The following CRIM1 variants were observed in gnomAD, a reference collection of about 807,000 sequenced individuals.
The protein encoded by CRIM1 is cysteine-rich motor neuron 1 protein.
Under a neutral mutation model 116.4 loss-of-function variants are expected in CRIM1, and 32 were observed. The ratio of observed to expected loss-of-function variants is 0.27; its 90% CI spans 0.21 to 0.37. CRIM1 has a LOEUF of 0.37. CRIM1 is among the 10% of genes least tolerant of loss of function. The pLI, the probability that CRIM1 is intolerant of heterozygous loss-of-function variation, is 1.00. For synonymous variants in CRIM1, 590 were observed against 509.2 expected, an observed-to-expected ratio of 1.16 and a Z score of -2.13; for missense variants, 1,331 against 1,354.8, an observed-to-expected ratio of 0.98 and a Z score of 0.28.
chr2:36,376,167 C>T (rs987738626), intron 1 of CRIM1, among the ~76,000 whole-genome samples: 7 of 152,200 alleles, frequency 4.6e-5, no homozygotes, highest in Non-Finnish European at 1.0e-4. Context: ...AGGTGGGAAT[C>T]AATAGATTGT....
chr2:36,530,685 C>T (rs1254314045), intron 13 of CRIM1, among the ~76,000 whole-genome samples: 1 of 152,120 alleles, frequency 6.6e-6, no homozygotes. Context: ...CCTTTTCTAC[C>T]GCTCCCCTTT....
chr2:36,370,199 CT>C (rs35408019), intron 1 of CRIM1, among the ~76,000 whole-genome samples: 4,347 of 127,370 alleles, frequency 0.034, 57 homozygotes, highest in African/African-American at 0.049. Context: ...GGGACAAAAG[CT>C]TTTTTTTTTT....
At chr2:36,362,346 T>C (rs1028461994) in intron 1 of CRIM1, among the ~76,000 whole-genome samples, 29 of 152,160 alleles carry the variant, frequency 1.9e-4, no homozygotes, top group African/African-American at 6.8e-4. Context: ...GGTTTAAAAG[T>C]GTGAGTAGTA....
chr2:36,374,014 C>T (rs573860332), intron 1 of CRIM1, among the ~76,000 whole-genome samples: 36 of 152,304 alleles, frequency 2.4e-4, no homozygotes, highest in African/African-American at 7.0e-4. Context: ...AAGCCGTGGG[C>T]GTCTTTTCCT....
rs75293883 is a variant in CRIM1, at chr2:36,522,956, T to G, written c.2428+643T>G. Among the ~76,000 whole-genome samples, 3 of 148,564 alleles carry G rather than the reference T, an allele frequency of 2.0e-5. No homozygotes were observed. In the Admixed American group the frequency reaches 2.0e-4, roughly 10 times the overall value. On this transcript the variant is annotated intron_variant, in intron 13 of 16. Transcript: ENST00000280527. ...TTCTCCAGCCTATTTTTTACAGTGG[T>G]TTTTTTTTTCTTTTTTTAGACAGAT... is the stretch of plus-strand genomic sequence containing the variant.
chr2:36,489,507 G>A (rs1290589444), intron 7 of CRIM1, among the ~76,000 whole-genome samples: 1 of 152,112 alleles, frequency 6.6e-6, no homozygotes, highest in Non-Finnish European at 1.5e-5. Flanking sequence ...TCCACAGGGG[G>A]TGTGTCCCAT....
intron 13 of CRIM1, among the ~76,000 whole-genome samples, chr2:36,535,985 G>A (rs1484393254): frequency 6.6e-6 from 1 of 152,150 alleles, no homozygotes; most frequent in Admixed American, 6.5e-5. Context: ...TTGGATTTTG[G>A]TATCCATGGG....
chr2:36,431,231 C>G (rs1179220907), intron 2 of CRIM1, among the ~76,000 whole-genome samples: 2 of 151,978 alleles, frequency 1.3e-5, no homozygotes, highest in Non-Finnish European at 2.9e-5. Flanking sequence ...TGTGAGTACT[C>G]TGTGTGTGTG....
At chr2:36,480,968 C>A (rs1679373737) in intron 7 of CRIM1, among the ~76,000 whole-genome samples, 1 of 152,116 alleles carries the variant, frequency 6.6e-6, no homozygotes, top group Non-Finnish European at 1.5e-5. Context: ...CTTACTGAAG[C>A]AGATGAAGAT....
chr2:36,545,625 G>C (rs1473409940), intron 15 of CRIM1, among the ~76,000 whole-genome samples: 1 of 152,006 alleles, frequency 6.6e-6, no homozygotes, highest in Non-Finnish European at 1.5e-5. Context: ...TTCCGTTTTT[G>C]GCTTTGGCTG....
chr2:36,365,619 A>G (rs1478710754), intron 1 of CRIM1, among the ~76,000 whole-genome samples: 1 of 152,122 alleles, frequency 6.6e-6, no homozygotes. Context: ...AGTCTTTGTG[A>G]TATAGTGCGG....
At chr2:36,499,922 A>G (rs1680869079) in intron 8 of CRIM1, among the ~76,000 whole-genome samples, 1 of 152,108 alleles carries the variant, frequency 6.6e-6, no homozygotes, top group South Asian at 2.1e-4. Context: ...AAACATCCTC[A>G]TTCTCCTTGA....
At chr2:36,489,792 C>T (rs1376163673) in intron 7 of CRIM1, among the ~76,000 whole-genome samples, 1 of 151,748 alleles carries the variant, frequency 6.6e-6, no homozygotes, top group Admixed American at 6.6e-5. Context: ...TCTAGCAAGG[C>T]CCCCATCATG....
chr2:36,494,563 A>G (rs1225161709), intron 7 of CRIM1, among the ~76,000 whole-genome samples: 1 of 152,188 alleles, frequency 6.6e-6, no homozygotes, highest in African/African-American at 2.4e-5. Flanking sequence ...GGGTTCTTTA[A>G]AAATAGCTCT....
At chr2:36,361,179 C>T (rs1460828557) in intron 1 of CRIM1, among the ~76,000 whole-genome samples, 1 of 152,120 alleles carries the variant, frequency 6.6e-6, no homozygotes, top group Non-Finnish European at 1.5e-5. Flanking sequence ...AAACACTTGG[C>T]AAAGGGCAGA....
intron 9 of CRIM1, among the ~76,000 whole-genome samples, chr2:36,511,508 A>G (rs943719777): frequency 1.3e-5 from 2 of 152,242 alleles, no homozygotes; most frequent in Non-Finnish European, 2.9e-5. Flanking sequence ...AAGTAGTTGT[A>G]TCACAATAGT....
intron 7 of CRIM1, 137 bp downstream of exon 7, chr2:36,479,831 T>G: frequency 1.3e-6 from 1 of 743,830 alleles, no homozygotes; most frequent in Non-Finnish European, 2.3e-6. Flanking sequence ...AACAAATTTA[T>G]CAAACAGCTC....
At chr2:36,442,794 C>T (rs532115482) in intron 4 of CRIM1, 59 bp downstream of exon 4, 11 of 1,594,588 alleles carry the variant, frequency 6.9e-6, no homozygotes, top group Non-Finnish European at 9.4e-6. Flanking sequence ...ATCTAAGGTA[C>T]ATTTTGAGCA....
At chr2:36,500,127 G>C (rs1680882729) in intron 8 of CRIM1, among the ~76,000 whole-genome samples, 1 of 152,034 alleles carries the variant, frequency 6.6e-6, no homozygotes, top group African/African-American at 2.4e-5. Flanking sequence ...AGGAGTTCAA[G>C]ACCAGCCTGG....
Sources: allele counts gnomAD v4.1 joint callset (sites outside exome capture counted in the v4.1 genomes callset), GRCh38; gene constraint gnomAD v4.1.1; transcripts MANE v1.5; gene names NCBI Gene and HGNC (gene_info 2026-07-23, HGNC 2026-07-21).